MYO7A: variants seen among roughly 807,000 people sequenced by gnomAD.
The protein encoded by MYO7A is unconventional myosin-VIIa.
Under a neutral mutation model 263.8 loss-of-function variants are expected in MYO7A, and 210 were observed. The observed-to-expected ratio is 0.80, with a 90% confidence interval of 0.71 to 0.89. MYO7A has a LOEUF of 0.89. MYO7A is among the 40% of genes least tolerant of loss of function. MYO7A has a pLI of 0.00. For missense variants in MYO7A, 2,820 were observed against 2,968.3 expected (o/e 0.95, Z 1.16); for synonymous variants, 1,239 against 1,197.3 (o/e 1.03, Z -0.72).
chr11:77,182,295 C>T (rs531231190), intron 24 of MYO7A, 129 bp from the exon 25 acceptor site: 16 of 1,426,266 alleles, frequency 1.1e-5, no homozygotes, highest in African/African-American at 2.8e-5. Flanking sequence ...GTCTTCACTG[C>T]GGTGCCCAGC....
At chr11:77,178,082 T>G (rs1555081125) in intron 19 of MYO7A, among the ~76,000 whole-genome samples, 2 of 151,630 alleles carry the variant, frequency 1.3e-5, no homozygotes, top group Non-Finnish European at 2.9e-5. Context: ...TGATTAAAGC[T>G]CTGCAAAAAT....
intron 3 of MYO7A, among the ~76,000 whole-genome samples, chr11:77,145,703 C>T (rs1377742261): frequency 3.3e-5 from 5 of 152,206 alleles, no homozygotes; most frequent in Middle Eastern, 6.3e-3. Flanking sequence ...CCCACCCCCT[C>T]GCCCTGGGGA....
chr11:77,173,177 T>C lies in MYO7A; in HGVS notation c.1935+292T>C, dbSNP rs114712345. ...CTTCTCTTATGCCTCAGTTTCCTCA[T>C]AGATGGAAACGGGACTGACCGTATC... is the stretch of plus-strand genomic sequence containing the variant. On this transcript the variant is annotated intron_variant, in intron 16 of 48. Transcript: ENST00000409709. Among the ~76,000 whole-genome samples the C allele has an allele frequency of 0.033, 4,985 of 152,288 alleles. 284 individuals carry two copies. The highest frequency in any genetic ancestry group is 0.11 in the African/African-American group (4,731 of 41,542).
Position 77,162,162 on chromosome 11 carries a change from G to A in MYO7A, c.1386G>A (p.Gln462=). 1 of 1,604,214 alleles carries A rather than the reference G, an allele frequency of 6.2e-7. No individual in the cohort carries two copies. The highest frequency in any genetic ancestry group is 8.5e-7 in the Non-Finnish European group (1 of 1,175,482). Residue 462 remains glutamine, a synonymous_variant, in exon 13 of 49, where the codon CAG becomes CAA. Transcript: ENST00000409709. The stretch of plus-strand genomic sequence containing the variant: ...TCAACTTCGCCAATGAGCACCTGCA[G>A]CAGTTCTTTGTGCGGCACGTGTTCA... The part of the protein sequence containing the change: ...LCINFANEHL[Q]QFFVRHVFKL...
intron 15 of MYO7A, among the ~76,000 whole-genome samples, chr11:77,168,432 TTATCACCTCA>T (rs1384215662): frequency 6.6e-6 from 1 of 152,164 alleles, no homozygotes; most frequent in Non-Finnish European, 1.5e-5. Context: ...GCACTTATAT[TTATCACCTCA>T]TTCACTCCCC....
chr11:77,132,771 G>C (rs1359136777), intron 2 of MYO7A, among the ~76,000 whole-genome samples: 2 of 152,222 alleles, frequency 1.3e-5, no homozygotes, highest in Non-Finnish European at 2.9e-5. Flanking sequence ...ACAGGCGTGA[G>C]CCACCGCACC....
At chr11:77,189,977 T>C (rs1591412425) in intron 28 of MYO7A, 43 bp from the exon 29 acceptor site, 1 of 1,480,162 alleles carries the variant, frequency 6.8e-7, no homozygotes, top group Admixed American at 2.4e-5. Context: ...AAAATCCACA[T>C]GGGGAGCCCC....
chr11:77,179,044 G>T lies in MYO7A; in HGVS notation c.2283-1G>T, dbSNP rs397516295. ...CACCCGCGCCACTACTGCTGTTTCA[G>T]GTCTAACTTTCTGAAGCTGAAGAAC... On this transcript the variant is annotated splice_acceptor_variant, in intron 19 of 48. Coordinates refer to ENST00000409709, the MANE Select transcript of MYO7A (RefSeq NM_000260.4). LOFTEE classifies it high-confidence loss of function. 9 of 1,602,728 alleles carry T rather than the reference G, an allele frequency of 5.6e-6. No homozygotes were observed. Among genetic ancestry groups the T allele is most frequent in the Non-Finnish European group, 6.8e-6 (8 of 1,175,256 alleles).
chr11:77,140,604 C>T (rs1211936360), intron 2 of MYO7A, among the ~76,000 whole-genome samples: 2 of 152,214 alleles, frequency 1.3e-5, no homozygotes, highest in African/African-American at 2.4e-5. Flanking sequence ...TCAGACCCAG[C>T]CCCACCCTAG....
chr11:77,136,410 T>C (rs1299618426), intron 2 of MYO7A, among the ~76,000 whole-genome samples: 1 of 152,120 alleles, frequency 6.6e-6, no homozygotes, highest in Non-Finnish European at 1.5e-5. Context: ...CAAGGTCAGG[T>C]TCTTAGCACC....
chr11:77,158,213 G>A, intron 8 of MYO7A, 64 bp from the exon 9 acceptor site: 1 of 1,477,290 alleles, frequency 6.8e-7, no homozygotes, highest in Non-Finnish European at 9.0e-7. Context: ...AGGCAGCCAG[G>A]CACTGCCCCT....
intron 26 of MYO7A, among the ~76,000 whole-genome samples, chr11:77,184,227 G>A (rs1228362421): frequency 6.6e-6 from 1 of 152,104 alleles, no homozygotes. Flanking sequence ...AGTTATGTTG[G>A]CGGGGGCACC....
intron 9 of MYO7A, among the ~76,000 whole-genome samples, chr11:77,159,104 G>C (rs1952750400): frequency 6.6e-6 from 1 of 152,220 alleles, no homozygotes. Context: ...CACATGTCGG[G>C]GAGGGGATCC....
At chr11:77,186,890 A>AGCTT (rs1555088755) in intron 27 of MYO7A, among the ~76,000 whole-genome samples, 1 of 152,186 alleles carries the variant, frequency 6.6e-6, no homozygotes, top group Admixed American at 6.5e-5. Flanking sequence ...TTTCCTCTCT[A>AGCTT]ATCATTTCTA....
intron 46 of MYO7A, chr11:77,212,728 G>A: frequency 1.7e-6 from 1 of 593,672 alleles, no homozygotes; most frequent in East Asian, 2.8e-5. Flanking sequence ...TGGGCTGAGA[G>A]GGAGGACAAA....
intron 45 of MYO7A, 54 bp downstream of exon 45, chr11:77,211,391 AC>A: frequency 6.6e-7 from 1 of 1,514,978 alleles, no homozygotes; most frequent in Non-Finnish European, 8.9e-7. Context: ...GCCTCGGGGC[AC>A]CCCAGGGGCC....
chr11:77,166,217 A>C, intron 15 of MYO7A, 55 bp downstream of exon 15: 2 of 1,471,382 alleles, frequency 1.4e-6, no homozygotes, highest in Non-Finnish European at 1.9e-6. Flanking sequence ...GCCAGGCCTG[A>C]GTCTAAGCCC....
intron 18 of MYO7A, among the ~76,000 whole-genome samples, chr11:77,176,181 A>G (rs1318092843): frequency 6.6e-6 from 1 of 152,214 alleles, no homozygotes; most frequent in Non-Finnish European, 1.5e-5. Context: ...GGACAGCTGC[A>G]GGAGGGACAA....
Position 77,130,610 on chromosome 11 carries a change from C to T in MYO7A, c.-25C>T. 1 of 1,612,668 alleles carries T rather than the reference C, an allele frequency of 6.2e-7. No individual in the cohort carries two copies. Among genetic ancestry groups the T allele is most frequent in the South Asian group, 1.1e-5 (1 of 90,568 alleles). ...GCAGAACTGTGCCTGGCCCAGTGGGCAGCAGGAGCTCCTGACTTGGGACCA... is the reference window on the plus strand; with the variant it reads ...GCAGAACTGTGCCTGGCCCAGTGGGTAGCAGGAGCTCCTGACTTGGGACCA... On this transcript the variant is annotated 5_prime_UTR_variant, in exon 2 of 49. Coordinates refer to ENST00000409709, the MANE Select transcript of MYO7A (RefSeq NM_000260.4).
Sources: allele counts gnomAD v4.1 joint callset (sites outside exome capture counted in the v4.1 genomes callset), GRCh38; gene constraint gnomAD v4.1.1; transcripts MANE v1.5; gene names NCBI Gene and HGNC (gene_info 2026-07-23, HGNC 2026-07-21).